The following BNIP3L variants were observed in gnomAD, a reference collection of about 807,000 sequenced individuals.
BNIP3L encodes BCL2 interacting protein 3 like.
A neutral mutation model predicts 25.5 loss-of-function variants in BNIP3L; 10 were observed. The observed-to-expected ratio is 0.39, with a 90% confidence interval of 0.24 to 0.67. The LOEUF (loss-of-function observed/expected upper bound fraction) is 0.67. Among genes scored for constraint, BNIP3L ranks in the 30% least tolerant of loss-of-function variants. BNIP3L has a pLI of 0.45. For synonymous variants in BNIP3L, 113 were observed against 101.2 expected, an observed-to-expected ratio of 1.12 and a Z score of -0.70; for missense variants, 215 against 270.9, an observed-to-expected ratio of 0.79 and a Z score of 1.45.
intron 5 of BNIP3L, among the ~76,000 whole-genome samples, chr8:26,409,106 G>T (rs964315421): frequency 6.7e-6 from 1 of 149,758 alleles, no homozygotes; most frequent in Non-Finnish European, 1.5e-5. Context: ...AATGAAACTG[G>T]TAGGTTGATT....
rs1425108599 is a variant in BNIP3L, at chr8:26,396,682, C to T, written c.357+1380C>T. 1.7e-4 allele frequency among the ~76,000 whole-genome samples: 26 copies of T among 151,242 alleles called. 1 individual carries two copies. Among genetic ancestry groups the T allele is most frequent in the East Asian group, 3.9e-4 (2 of 5,172 alleles). ...CAGACGATCAAATTAGAGTGAGCTA[C>T]GGGAGGACATTCAAACCAAAGGCAA... On this transcript the variant is annotated intron_variant, in intron 3 of 5. Transcript: ENST00000380629.
At chr8:26,395,702 A>G (rs1413181804) in intron 3 of BNIP3L, 4 of 197,158 alleles carry the variant, frequency 2.0e-5, no homozygotes, top group Non-Finnish European at 4.2e-5. Flanking sequence ...CTGCATTTCC[A>G]TCTGAGGTAC....
intron 2 of BNIP3L, among the ~76,000 whole-genome samples, chr8:26,393,898 A>G (rs1021434808): frequency 6.6e-6 from 1 of 152,198 alleles, no homozygotes; most frequent in African/African-American, 2.4e-5. Context: ...TGTCAATTAT[A>G]CTAGTCTAAA....
intron 1 of BNIP3L, among the ~76,000 whole-genome samples, chr8:26,387,959 G>A (rs1806026105): frequency 6.6e-6 from 1 of 152,210 alleles, no homozygotes. Flanking sequence ...AAGAATGAAT[G>A]TCAGTATATA....
intron 3 of BNIP3L, chr8:26,395,937 A>T (rs1380746232): frequency 6.1e-6 from 1 of 164,482 alleles, no homozygotes; most frequent in Non-Finnish European, 1.3e-5. Flanking sequence ...ACGGCGCACC[A>T]CGAGACTATA....
At chr8:26,388,950 C>CTGTACTACAGCCTG (rs1806048645) in intron 1 of BNIP3L, among the ~76,000 whole-genome samples, 2 of 152,308 alleles carry the variant, frequency 1.3e-5, no homozygotes, top group South Asian at 4.1e-4. Flanking sequence ...GATTGTGCCA[C>CTGTACTACAGCCTG]TGTACTACAG....
chr8:26,399,020 C>G (rs1419011359), intron 3 of BNIP3L, among the ~76,000 whole-genome samples: 2 of 151,508 alleles, frequency 1.3e-5, no homozygotes, highest in Non-Finnish European at 1.5e-5. Flanking sequence ...CCTTCTGAAA[C>G]TATTCCAATC....
intron 3 of BNIP3L, among the ~76,000 whole-genome samples, chr8:26,401,332 C>T (rs1403340394): frequency 5.6e-5 from 8 of 143,580 alleles, no homozygotes; most frequent in Non-Finnish European, 9.1e-5. Context: ...AACCAAACAC[C>T]GCATATTCTC....
At chr8:26,387,667 G>A (rs941972951) in intron 1 of BNIP3L, among the ~76,000 whole-genome samples, 5 of 152,148 alleles carry the variant, frequency 3.3e-5, no homozygotes, top group Admixed American at 3.3e-4. Context: ...TTAATATGTA[G>A]CCTCTTAATG....
intron 1 of BNIP3L, among the ~76,000 whole-genome samples, chr8:26,385,469 G>A (rs755043630): frequency 3.3e-5 from 5 of 151,960 alleles, no homozygotes; most frequent in Non-Finnish European, 7.4e-5. Context: ...CTGGCTTGGT[G>A]TTGGGCGCCT....
chr8:26,408,506 A>C, intron 5 of BNIP3L, 130 bp downstream of exon 5: 2 of 1,101,738 alleles, frequency 1.8e-6, no homozygotes, highest in South Asian at 1.6e-5. Context: ...AGGTGAACTT[A>C]AAAAAGTGGG....
At chr8:26,407,223 T>A (rs930615425) in intron 3 of BNIP3L, among the ~76,000 whole-genome samples, 2 of 151,244 alleles carry the variant, frequency 1.3e-5, no homozygotes, top group African/African-American at 4.9e-5. Flanking sequence ...TCTCGCTCTT[T>A]CCCCCAGGCA....
intron 3 of BNIP3L, among the ~76,000 whole-genome samples, chr8:26,396,683 G>A (rs1450433948): frequency 6.6e-6 from 1 of 151,466 alleles, no homozygotes; most frequent in African/African-American, 2.4e-5. Context: ...AGTGAGCTAC[G>A]GGAGGACATT....
rs1168330674 is a variant in BNIP3L at position 26,411,398 on chromosome 8, G to A, written c.*986G>A. The A allele has an allele frequency of 6.6e-6, 1 of 152,066 alleles. No individual in the cohort carries two copies. Among genetic ancestry groups the A allele is most frequent in the Non-Finnish European group, 1.5e-5 (1 of 68,008 alleles). The allele number at this position is 152,066 out of a possible 1,614,324, so 9.4% of individuals were successfully genotyped here. A position where few individuals can be genotyped will look rare whatever the true frequency, so the allele number is the denominator to read the frequency against. Reference sequence around the variant, plus strand: ...TAGGAAGCATCACCTATACTCTGAAGCCTTTAAACTCTGAAGAGAATTGTT... The same window carrying A: ...TAGGAAGCATCACCTATACTCTGAAACCTTTAAACTCTGAAGAGAATTGTT... On this transcript the variant is annotated 3_prime_UTR_variant, in exon 6 of 6. Transcript: ENST00000380629.
chr8:26,398,621 A>G (rs1469676330), intron 3 of BNIP3L, among the ~76,000 whole-genome samples: 10 of 132,846 alleles, frequency 7.5e-5, no homozygotes, highest in African/African-American at 2.9e-4. Flanking sequence ...AATAACTAAA[A>G]TCAGAGCAGA....
At chr8:26,401,401 C>G (rs1227000729) in intron 3 of BNIP3L, among the ~76,000 whole-genome samples, 3 of 150,664 alleles carry the variant, frequency 2.0e-5, no homozygotes, top group African/African-American at 7.3e-5. Context: ...GAATATCACA[C>G]TCTGGGGACT....
chr8:26,391,601 T>C (rs1806113818), intron 2 of BNIP3L, among the ~76,000 whole-genome samples, 175 bp downstream of exon 2: 1 of 152,244 alleles, frequency 6.6e-6, no homozygotes, highest in Non-Finnish European at 1.5e-5. Context: ...GACAGCTAAT[T>C]GACAGGTGCT....
At position 26,410,689 on chromosome 8, in the gene BNIP3L, A is replaced by T. The variant is rs1199331171; in HGVS notation, c.*277A>T. 3 of 440,852 alleles carry T rather than the reference A, an allele frequency of 6.8e-6. No homozygotes were observed. The highest frequency in any genetic ancestry group is 6.0e-5 in the African/African-American group (3 of 50,318). The allele number at this position is 440,852 out of a possible 1,614,324, so 27.3% of individuals were successfully genotyped here. A position where few individuals can be genotyped will look rare whatever the true frequency, so the allele number is the denominator to read the frequency against. ...CAAGGGCTTCTTTTCCGCAAATGCCACCAGCAGATTATAATTTTGTCAGCA... is the reference window on the plus strand; with the variant it reads ...CAAGGGCTTCTTTTCCGCAAATGCCTCCAGCAGATTATAATTTTGTCAGCA... On this transcript the variant is annotated 3_prime_UTR_variant, in exon 6 of 6. Transcript: ENST00000380629.
At chr8:26,391,157 C>G in intron 1 of BNIP3L, 86 bp from the exon 2 acceptor site, 1 of 1,197,188 alleles carries the variant, frequency 8.4e-7, no homozygotes, top group Non-Finnish European at 1.1e-6. Flanking sequence ...AGTCAGAATT[C>G]TTATCTGGAT....
Sources: gnomAD v4.1 joint callset for allele counts (sites outside exome capture counted in the v4.1 genomes callset) on GRCh38, gnomAD v4.1.1 for gene constraint, MANE v1.5 for transcripts, NCBI Gene and HGNC (gene_info 2026-07-23, HGNC 2026-07-21) for gene names.